Variants in MRPS6 observed in about 807,000 individuals in gnomAD.
MRPS6 encodes the protein small ribosomal subunit protein bS6m.
Under a neutral mutation model 13.1 loss-of-function variants are expected in MRPS6, and 6 were observed. The observed-to-expected ratio is 0.46, with a 90% CI of 0.25 to 0.91. The LOEUF (loss-of-function observed/expected upper bound fraction) is 0.91. Among genes scored for constraint, MRPS6 ranks in the 40% least tolerant of loss-of-function variants. MRPS6 has a pLI of 0.18. For synonymous variants in MRPS6, 61 were observed against 56.5 expected (o/e 1.08, Z -0.36); for missense variants, 164 against 155.6 (o/e 1.05, Z -0.29).
chr21:34,125,009 G>A (rs539727988), intron 1 of MRPS6: 5 of 189,196 alleles, frequency 2.6e-5, no homozygotes, highest in Non-Finnish European at 5.4e-5. Context: ...AGGACTGACA[G>A]TGATTGGCAC....
intron 1 of MRPS6, among the ~76,000 whole-genome samples, chr21:34,115,403 G>C (rs987280596): frequency 1.3e-5 from 2 of 152,080 alleles, no homozygotes; most frequent in African/African-American, 2.4e-5. Context: ...GGCCAGACTT[G>C]GTCTTGTCCT....
intron 1 of MRPS6, among the ~76,000 whole-genome samples, chr21:34,074,258 C>T (rs545656975): frequency 1.3e-5 from 2 of 151,992 alleles, no homozygotes; most frequent in East Asian, 3.9e-4. Context: ...CGTCCGCGCC[C>T]AATAAAGCGT....
At chr21:34,131,207 A>G (rs1980489580) in intron 2 of MRPS6, among the ~76,000 whole-genome samples, 1 of 152,220 alleles carries the variant, frequency 6.6e-6, no homozygotes, top group Non-Finnish European at 1.5e-5. Context: ...GTCAGTTGCA[A>G]TGTAGTCAAA....
chr21:34,095,550 G>T (rs1338755208), intron 1 of MRPS6: 2 of 1,613,716 alleles, frequency 1.2e-6, no homozygotes, highest in African/African-American at 1.3e-5. Flanking sequence ...CAAGCGATTT[G>T]GTGGCCATAG....
intron 1 of MRPS6, chr21:34,101,589 C>G: frequency 1.0e-6 from 1 of 1,000,010 alleles, no homozygotes; most frequent in Non-Finnish European, 1.2e-6. Flanking sequence ...ATTGCTGTGT[C>G]AGTTCTACAC....
intron 1 of MRPS6, among the ~76,000 whole-genome samples, chr21:34,074,638 TGAATTCG>T (rs1315062049): frequency 6.6e-6 from 1 of 152,224 alleles, no homozygotes; most frequent in African/African-American, 2.4e-5. Context: ...CATTCTCCCG[TGAATTCG>T]GAATTCGGTA....
intron 1 of MRPS6, chr21:34,105,768 A>G: frequency 9.0e-6 from 9 of 995,598 alleles, no homozygotes; most frequent in Non-Finnish European, 1.1e-5. Flanking sequence ...AGGTTTGACT[A>G]ATTGTATCCA....
At chr21:34,076,934 C>T (rs977923491) in intron 1 of MRPS6, among the ~76,000 whole-genome samples, 9 of 152,162 alleles carry the variant, frequency 5.9e-5, no homozygotes, top group Non-Finnish European at 1.2e-4. Flanking sequence ...AGGACATAGC[C>T]GCAAAGGAGA....
chr21:34,115,620 C>T (rs1000299823), intron 1 of MRPS6, among the ~76,000 whole-genome samples: 1 of 152,170 alleles, frequency 6.6e-6, no homozygotes, highest in African/African-American at 2.4e-5. Context: ...TGGATGGACA[C>T]GGAGTCAGTG....
intron 1 of MRPS6, among the ~76,000 whole-genome samples, chr21:34,074,426 C>T (rs988571021): frequency 1.6e-4 from 25 of 152,232 alleles, no homozygotes; most frequent in African/African-American, 5.5e-4. Flanking sequence ...TGTGGCCTTT[C>T]TTGCGCCTCC....
At chr21:34,091,367 A>AT (rs1009193331) in intron 1 of MRPS6, among the ~76,000 whole-genome samples, 13 of 151,386 alleles carry the variant, frequency 8.6e-5, no homozygotes, top group East Asian at 1.9e-4. Flanking sequence ...TTATTTTATT[A>AT]TTTTTTTGAT....
At chr21:34,086,113 T>C (rs1413564825) in intron 1 of MRPS6, among the ~76,000 whole-genome samples, 1 of 152,198 alleles carries the variant, frequency 6.6e-6, no homozygotes, top group Non-Finnish European at 1.5e-5. Context: ...TCTTTACCTT[T>C]CCGGATTTGG....
rs959142526 is a variant in MRPS6, at chr21:34,093,292, G to A, written c.45+19547G>A. 2.6e-4 allele frequency among the ~76,000 whole-genome samples: 38 copies of A among 148,588 alleles called. 1 individual carries two copies. Among genetic ancestry groups the A allele is most frequent in the African/African-American group, 9.0e-4 (36 of 40,108 alleles). On this transcript the variant is annotated intron_variant, in intron 1 of 2. Coordinates refer to ENST00000399312, the MANE Select transcript of MRPS6 (RefSeq NM_032476.4). ...GCAATCAATCTTATTTATGCCAGCC[G>A]TTGACACTTAGAAAGGATTTAAATC...
chr21:34,079,116 C>A (rs1011270914), intron 1 of MRPS6, among the ~76,000 whole-genome samples: 1 of 152,158 alleles, frequency 6.6e-6, no homozygotes, highest in Non-Finnish European at 1.5e-5. Context: ...CTGTGGCTTC[C>A]GGGCCAGATC....
chr21:34,084,193 A>G (rs1182806885), intron 1 of MRPS6, among the ~76,000 whole-genome samples: 1 of 152,220 alleles, frequency 6.6e-6, no homozygotes, highest in Non-Finnish European at 1.5e-5. Flanking sequence ...TTCCAACTGA[A>G]AAGTATCTTT....
At position 34,096,288 on chromosome 21, in the gene MRPS6, C is replaced by A. The variant is rs181200062; in HGVS notation, c.45+22543C>A. ...GATGAAGCTGGTTCCTGTGGGCCTT[C>A]GGGGTTTAATGATGGCAGTGATGAT... On this transcript the variant is annotated intron_variant, in intron 1 of 2. Coordinates refer to ENST00000399312, the MANE Select transcript of MRPS6 (RefSeq NM_032476.4). This position sits in a 1 kb window ranked among gnomAD's most constrained non-coding sequence, Gnocchi z 5.9. 1.2e-6 allele frequency: 2 copies of A among 1,614,066 alleles called. No individual in the cohort carries two copies. The highest frequency in any genetic ancestry group is 3.3e-5 in the Admixed American group (2 of 59,992).
At chr21:34,135,531 G>A in intron 2 of MRPS6, 2 of 501,888 alleles carry the variant, frequency 4.0e-6, no homozygotes, top group Admixed American at 2.1e-5. Context: ...CATCTGCCAG[G>A]CACTCAGCAA....
At chr21:34,095,698 G>T in intron 1 of MRPS6, 1 of 1,613,692 alleles carries the variant, frequency 6.2e-7, no homozygotes, top group Non-Finnish European at 8.5e-7. Flanking sequence ...CTGCTCATTG[G>T]CATGACTGCT....
At chr21:34,138,950 A>G (rs997362720) in intron 2 of MRPS6, among the ~76,000 whole-genome samples, 54 of 152,056 alleles carry the variant, frequency 3.6e-4, no homozygotes, top group Middle Eastern at 3.4e-3. Flanking sequence ...ATGTCCAACA[A>G]TGATAGACTG....
Sources: gnomAD v4.1 joint callset for allele counts (sites outside exome capture counted in the v4.1 genomes callset) on GRCh38, gnomAD v4.1.1 for gene constraint, Gnocchi (gnomAD v3.1) non-coding constraint, MANE v1.5 for transcripts, NCBI Gene and HGNC (gene_info 2026-07-23, HGNC 2026-07-21) for gene names.